The following PPP1R14C variants were observed in gnomAD, a reference collection of about 807,000 sequenced individuals.
The protein encoded by PPP1R14C is protein phosphatase 1 regulatory subunit 14C.
Under a neutral mutation model 20.4 loss-of-function variants are expected in PPP1R14C, and 16 were observed. The observed-to-expected ratio is 0.78, with a 90% CI of 0.53 to 1.19. The LOEUF (loss-of-function observed/expected upper bound fraction) is 1.19. Ranked by LOEUF, PPP1R14C falls within the 50% of genes most tolerant of loss-of-function variation. PPP1R14C has a pLI of 0.00. For missense variants in PPP1R14C, 211 were observed against 220.1 expected (o/e 0.96, Z 0.26); for synonymous variants, 91 against 91.0 (o/e 1.00, Z 0.00).
At chr6:150,171,990 G>A (rs957268460) in intron 1 of PPP1R14C, among the ~76,000 whole-genome samples, 1 of 151,738 alleles carries the variant, frequency 6.6e-6, no homozygotes. Flanking sequence ...TGTATTTTTA[G>A]TAGAGACGGG....
chr6:150,172,828 C>T (rs1207599299), intron 1 of PPP1R14C, among the ~76,000 whole-genome samples: 1 of 152,006 alleles, frequency 6.6e-6, no homozygotes, highest in African/African-American at 2.4e-5. Context: ...AGGCCAGATG[C>T]ATCCAGAGGC....
At chr6:150,174,458 C>T (rs112687031) in intron 1 of PPP1R14C, among the ~76,000 whole-genome samples, 10,236 of 151,648 alleles carry the variant, frequency 0.067, 467 homozygotes, top group Admixed American at 0.1. Flanking sequence ...CCTTGTGATC[C>T]GCCCACCTTG....
chr6:150,145,402 G>A (rs77955704), intron 1 of PPP1R14C, among the ~76,000 whole-genome samples: 7,811 of 152,250 alleles, frequency 0.051, 326 homozygotes, highest in Non-Finnish European at 0.074. Flanking sequence ...TGTCATTAAC[G>A]TGGCAAGTAT....
At chr6:150,205,193 C>T (rs1424952302) in intron 1 of PPP1R14C, among the ~76,000 whole-genome samples, 1 of 151,998 alleles carries the variant, frequency 6.6e-6, no homozygotes, top group African/African-American at 2.4e-5. Context: ...GGGTTCAGGA[C>T]CTAGAAAAGA....
chr6:150,235,807 C>G (rs1321020501), intron 3 of PPP1R14C, among the ~76,000 whole-genome samples: 1 of 152,052 alleles, frequency 6.6e-6, no homozygotes, highest in Admixed American at 6.6e-5. Context: ...TTTTTATTGT[C>G]CCCTTGGGAA....
intron 3 of PPP1R14C, among the ~76,000 whole-genome samples, chr6:150,223,167 A>G (rs1778190794): frequency 6.6e-6 from 1 of 152,098 alleles, no homozygotes; most frequent in Non-Finnish European, 1.5e-5. Context: ...AGGTCTTTTC[A>G]TTGCTTGATA....
intron 1 of PPP1R14C, among the ~76,000 whole-genome samples, chr6:150,170,462 C>T (rs1014424101): frequency 3.3e-5 from 5 of 152,028 alleles, no homozygotes; most frequent in African/African-American, 7.2e-5. Context: ...AGCTGGACTA[C>T]AGGCGACTGC....
intron 1 of PPP1R14C, among the ~76,000 whole-genome samples, chr6:150,167,935 A>G (rs1300937736): frequency 3.3e-4 from 1 of 3,074 alleles, no homozygotes; most frequent in Non-Finnish European, 5.9e-4. Context: ...CTTTCTCTCC[A>G]TGTCTCCGTT....
chr6:150,223,593 C>A (rs937316198), intron 3 of PPP1R14C, among the ~76,000 whole-genome samples: 2 of 152,084 alleles, frequency 1.3e-5, no homozygotes, highest in African/African-American at 4.8e-5. Flanking sequence ...TCTCTGGTGA[C>A]GTATGATTTG....
chr6:150,156,024 C>CAAAAAAA (rs67908012), intron 1 of PPP1R14C, among the ~76,000 whole-genome samples: 139 of 38,398 alleles, frequency 3.6e-3, no homozygotes, highest in Non-Finnish European at 5.0e-3. Context: ...GACTCTGTCT[C>CAAAAAAA]AAAAAAAAAA....
At chr6:150,196,427 C>A (rs895625109) in intron 1 of PPP1R14C, among the ~76,000 whole-genome samples, 2 of 151,278 alleles carry the variant, frequency 1.3e-5, no homozygotes, top group Non-Finnish European at 1.5e-5. Context: ...GCATCCAATT[C>A]TTGAATCTAG....
chr6:150,170,304 C>T (rs980418115), intron 1 of PPP1R14C, among the ~76,000 whole-genome samples: 1 of 151,100 alleles, frequency 6.6e-6, no homozygotes, highest in Non-Finnish European at 1.5e-5. Context: ...ACACTTTTGT[C>T]ATGTGCTAGT....
intron 2 of PPP1R14C, among the ~76,000 whole-genome samples, chr6:150,216,396 T>C (rs1209121222): frequency 6.6e-6 from 1 of 152,108 alleles, no homozygotes; most frequent in Non-Finnish European, 1.5e-5. Context: ...TTCGGAAGGC[T>C]GAGGCAGGAG....
intron 1 of PPP1R14C, among the ~76,000 whole-genome samples, chr6:150,155,388 A>G (rs1777294592): frequency 6.6e-6 from 1 of 152,230 alleles, no homozygotes. Flanking sequence ...GCACCATCAG[A>G]TAATCCCATT....
At chr6:150,206,592 T>C (rs2114902870) in intron 1 of PPP1R14C, among the ~76,000 whole-genome samples, 1 of 152,300 alleles carries the variant, frequency 6.6e-6, no homozygotes, top group Non-Finnish European at 1.5e-5. Context: ...TTGGAATGTG[T>C]CTTCATGAGC....
intron 1 of PPP1R14C, among the ~76,000 whole-genome samples, chr6:150,188,777 C>T (rs867624397): frequency 4.0e-5 from 6 of 151,704 alleles, no homozygotes; most frequent in African/African-American, 7.3e-5. Flanking sequence ...TGAGCCACTG[C>T]GCCTGGCTAG....
chr6:150,247,597 G>C (rs577233124), intron 3 of PPP1R14C, among the ~76,000 whole-genome samples: 1 of 152,340 alleles, frequency 6.6e-6, no homozygotes, highest in Non-Finnish European at 1.5e-5. Context: ...CATGTAGTAA[G>C]TATCCTGTAA....
At chr6:150,198,331 T>G (rs1220120103) in intron 1 of PPP1R14C, among the ~76,000 whole-genome samples, 2 of 150,498 alleles carry the variant, frequency 1.3e-5, no homozygotes, top group African/African-American at 4.9e-5. Context: ...ATGCCCGGCT[T>G]TGTGTGCCCC....
intron 1 of PPP1R14C, among the ~76,000 whole-genome samples, chr6:150,147,241 G>A (rs1431718807): frequency 4.0e-5 from 6 of 150,844 alleles, no homozygotes; most frequent in South Asian, 2.1e-4. Context: ...GTGCAGTGGC[G>A]CAATCTCAGC....
Sources: gnomAD v4.1 joint callset for allele counts (sites outside exome capture counted in the v4.1 genomes callset) on GRCh38, gnomAD v4.1.1 for gene constraint, MANE v1.5 for transcripts, NCBI Gene and HGNC (gene_info 2026-07-23, HGNC 2026-07-21) for gene names.